ONECUT3: variants seen among roughly 807,000 people sequenced by gnomAD.
ONECUT3 encodes one cut domain family member 3.
ONECUT3 carries 11 observed loss-of-function variants against 16.8 expected under a neutral mutation model. That is an observed-to-expected ratio of 0.66 (90% CI 0.41 to 1.09). ONECUT3 has a LOEUF of 1.09. Ranked by LOEUF, ONECUT3 falls within the 50% of genes least tolerant of loss-of-function variation. ONECUT3 has a pLI of 0.00. For missense variants in ONECUT3, 637 were observed against 629.9 expected (o/e 1.01, Z -0.12); for synonymous variants, 344 against 310.7 (o/e 1.11, Z -1.13).
chr19:1,772,686 CTTTTTTTTTT>C (rs201848533), intron 1 of ONECUT3, among the ~76,000 whole-genome samples: 39 of 64,024 alleles, frequency 6.1e-4, no homozygotes, highest in Middle Eastern at 0.01. Context: ...CTGCTTTACT[CTTTTTTTTTT>C]TTTTTTTTTT....
chr19:1,767,779 C>T (rs1023220938), intron 1 of ONECUT3, among the ~76,000 whole-genome samples: 2 of 152,208 alleles, frequency 1.3e-5, no homozygotes. Context: ...AGGACGGTGC[C>T]CTGGGGCGGG....
intron 1 of ONECUT3, among the ~76,000 whole-genome samples, chr19:1,772,113 G>A (rs371123753): frequency 5.9e-5 from 9 of 151,850 alleles, no homozygotes; most frequent in East Asian, 5.8e-4. Flanking sequence ...GGGTTCAAGC[G>A]ACTCTCCTGC....
rs967416582 is a variant in ONECUT3 at position 1,766,303 on chromosome 19, C to A, written c.1193-8850C>A. Among the ~76,000 whole-genome samples the A allele has an allele frequency of 3.9e-4, 59 of 152,302 alleles. No homozygotes were observed. Among genetic ancestry groups the A allele is most frequent in the Non-Finnish European group, 7.3e-5 (5 of 68,036 alleles). On this transcript the variant is annotated intron_variant, in intron 1 of 1. Transcript: ENST00000382349. This position sits in a 1 kb window ranked among gnomAD's most constrained non-coding sequence, Gnocchi z 4.0. ...TGGACGGAGGCTGGCACCCTCAGCC[C>A]GCACGCGGCCAACGTCAGGCGCGCG...
Position 1,758,502 on chromosome 19 carries a change from T to C in ONECUT3, c.1192+3648T>C, listed in dbSNP as rs1314753806. Among the ~76,000 whole-genome samples the C allele has an allele frequency of 1.3e-5, 2 of 151,598 alleles. No individual in the cohort carries two copies. The highest frequency in any genetic ancestry group is 6.6e-5 in the Admixed American group (1 of 15,236). ...AGAAATCCCACCGCAGACCTCGGAG[T>C]CCCGGCCCCACTGCCCGTTCTGCGT... On this transcript the variant is annotated intron_variant, in intron 1 of 1. Coordinates refer to ENST00000382349, the MANE Select transcript of ONECUT3 (RefSeq NM_001080488.2). This position sits in a 1 kb window ranked among gnomAD's most constrained non-coding sequence, Gnocchi z 5.9.
chr19:1,756,205 C>G (rs547100165), intron 1 of ONECUT3, among the ~76,000 whole-genome samples: 1 of 152,168 alleles, frequency 6.6e-6, no homozygotes, highest in African/African-American at 2.4e-5. Context: ...ACCAGACAAC[C>G]CCCTGGGAGC....
intron 1 of ONECUT3, among the ~76,000 whole-genome samples, chr19:1,757,161 G>C (rs1383326501): frequency 6.6e-6 from 1 of 152,168 alleles, no homozygotes; most frequent in Non-Finnish European, 1.5e-5. Context: ...CCGCAGCCGG[G>C]TCAGCAGCAC....
chr19:1,775,390 C>T lies in ONECUT3; in HGVS notation c.1430C>T (p.Pro477Leu). Residue 477 changes from proline (P) to leucine (L), a missense_variant, in exon 2 of 2, where the codon CCC becomes CTC. Transcript: ENST00000382349. ...RRCMNRWAEE[P>L]STAPGGPAGA... ...TGCATGAACCGCTGGGCTGAGGAGC[C>T]CAGCACGGCCCCCGGGGGCCCCGCC... The T allele has an allele frequency of 6.6e-7, 1 of 1,522,244 alleles. No homozygotes were observed. The allele number at this position is 1,522,244 out of a possible 1,614,324, so 94.3% of individuals were successfully genotyped here.
Position 1,754,385 on chromosome 19 carries a change from G to A in ONECUT3, c.723G>A (p.Pro241=), listed in dbSNP as rs1458587265. The change falls in exon 1 of 2, where the codon CCG becomes CCA. Residue 241 remains proline, a synonymous_variant. Transcript: ENST00000382349. This position sits in a 1 kb window ranked among gnomAD's most constrained non-coding sequence, Gnocchi z 7.4. ...ACCTGGCTGGGGACAAGCTGCTGCCGCCCGCCGCCTTCGAGCCGCACGCCG... is the reference window on the plus strand; with the variant it reads ...ACCTGGCTGGGGACAAGCTGCTGCCACCCGCCGCCTTCGAGCCGCACGCCG... ...PGHLAGDKLL[P]PAAFEPHAAL... is the part of the protein sequence containing the mutation. 6.4e-6 allele frequency: 7 copies of A among 1,100,810 alleles called. No homozygotes were observed. Among genetic ancestry groups the A allele is most frequent in the Non-Finnish European group, 5.6e-6 (5 of 895,868 alleles). The allele number at this position is 1,100,810 out of a possible 1,614,324, so 68.2% of individuals were successfully genotyped here. A position where few individuals can be genotyped will look rare whatever the true frequency, so the allele number is the denominator to read the frequency against.
intron 1 of ONECUT3, among the ~76,000 whole-genome samples, chr19:1,757,980 C>T (rs1309501583): frequency 2.0e-5 from 3 of 152,250 alleles, no homozygotes; most frequent in African/African-American, 7.2e-5. Flanking sequence ...CCCAGGCCTC[C>T]TCCAAGGAGA....
Position 1,759,115 on chromosome 19 carries a change from CT to C in ONECUT3, c.1192+4263del, listed in dbSNP as rs542467099. On this transcript the variant is annotated intron_variant, in intron 1 of 1. Transcript: ENST00000382349. This position sits in a 1 kb window ranked among gnomAD's most constrained non-coding sequence, Gnocchi z 4.1. ...CCCCAGGTGGATGGGATGCTTTGCC[CT>C]TAAGCAGAACGAAGTGTCCTAGGGA... Among the ~76,000 whole-genome samples, 198 of 152,184 alleles carry C rather than the reference CT, an allele frequency of 1.3e-3. 2 individuals carry two copies. The highest frequency in any genetic ancestry group is 4.6e-3 in the African/African-American group (190 of 41,532).
Position 1,753,584 on chromosome 19 carries a change from A to G in ONECUT3, c.-79A>G. ...GCAGCCTCGCGCGCAGCCACCGGGG[A>G]GCGGGCGGGAGTCATGCAGCGGCCT... is the stretch of plus-strand genomic sequence containing the variant. On this transcript the variant is annotated 5_prime_UTR_variant, in exon 1 of 2. Coordinates refer to ENST00000382349, the MANE Select transcript of ONECUT3 (RefSeq NM_001080488.2). 2.3e-6 allele frequency: 1 copy of G among 440,144 alleles called. No homozygotes were observed. Among genetic ancestry groups the G allele is most frequent in the Non-Finnish European group, 3.1e-6 (1 of 326,440 alleles). 27.3% of individuals were successfully genotyped at this position (440,144 alleles called of 1,614,324 possible). A position where few individuals can be genotyped will look rare whatever the true frequency, so the allele number is the denominator to read the frequency against.
Position 1,775,171 on chromosome 19 carries a change from A to T in ONECUT3, c.1211A>T (p.Gln404Leu). 1 of 1,404,050 alleles carries T rather than the reference A, an allele frequency of 7.1e-7. No homozygotes were observed. Among genetic ancestry groups the T allele is most frequent in the Non-Finnish European group, 9.5e-7 (1 of 1,050,780 alleles). 87.0% of individuals were successfully genotyped at this position (1,404,050 alleles called of 1,614,324 possible). The change falls in exon 2 of 2, where the codon CAG becomes CTG. Residue 404 changes from glutamine (Q) to leucine (L), a missense_variant. Physicochemically the swap from Gln to Leu is moderately radical, Grantham distance 113. Transcript: ENST00000382349. Reference sequence around the variant, plus strand: ...CCCGCAGCCTGCAAGCGCAAGGAACAGGAGCAGCAGAAGGAGCGCGCCCTG... The same window carrying T: ...CCCGCAGCCTGCAAGCGCAAGGAACTGGAGCAGCAGAAGGAGCGCGCCCTG... ...LRLAACKRKE[Q>L]EQQKERALQP...
intron 1 of ONECUT3, among the ~76,000 whole-genome samples, chr19:1,767,209 A>G (rs776158160): frequency 6.0e-4 from 92 of 152,158 alleles, no homozygotes; most frequent in Non-Finnish European, 1.1e-3. Context: ...AGTGTCGCCC[A>G]GAGCCCAGCT....
At chr19:1,761,835 C>T (rs1411397926) in intron 1 of ONECUT3, among the ~76,000 whole-genome samples, 1 of 152,176 alleles carries the variant, frequency 6.6e-6, no homozygotes, top group African/African-American at 2.4e-5. Context: ...GGCTGAGAAA[C>T]CGGCACCCCT....
intron 1 of ONECUT3, among the ~76,000 whole-genome samples, chr19:1,768,216 A>T (rs1165243637): frequency 6.6e-6 from 1 of 151,482 alleles, no homozygotes; most frequent in African/African-American, 2.4e-5. Flanking sequence ...GTGGGATTAG[A>T]CAAGGGGTGT....
rs2067987338 is a variant in ONECUT3, at chr19:1,766,201, C to T, written c.1193-8952C>T. ...GGCGCCACCCACCCACCCACAGCAC[C>T]TCGCTCAGACTTCGCCCTCCACCCC... On this transcript the variant is annotated intron_variant, in intron 1 of 1. Coordinates refer to ENST00000382349, the MANE Select transcript of ONECUT3 (RefSeq NM_001080488.2). The surrounding 1 kb of genome is among the most constrained non-coding windows in gnomAD (Gnocchi z 4.0). Among the ~76,000 whole-genome samples the T allele has an allele frequency of 6.6e-6, 1 of 152,376 alleles. No homozygotes were observed. The highest frequency in any genetic ancestry group is 2.1e-4 in the South Asian group (1 of 4,834).
At chr19:1,765,201 C>T (rs2067975128) in intron 1 of ONECUT3, among the ~76,000 whole-genome samples, 1 of 152,138 alleles carries the variant, frequency 6.6e-6, no homozygotes, top group South Asian at 2.1e-4. Flanking sequence ...TTGATCTCCT[C>T]CCTGGACCTT....
Position 1,778,018 on chromosome 19 carries a change from A to AAAAAC in ONECUT3, c.*2573_*2574insAAAAC, listed in dbSNP as rs1568605766. The AAAAAC allele has an allele frequency of 6.8e-6, 1 of 146,396 alleles. No individual in the cohort carries two copies. Among genetic ancestry groups the AAAAAC allele is most frequent in the African/African-American group, 2.5e-5 (1 of 40,296 alleles). 9.1% of individuals were successfully genotyped at this position (146,396 alleles called of 1,614,324 possible). On this transcript the variant is annotated 3_prime_UTR_variant, in exon 2 of 2. Coordinates refer to ENST00000382349, the MANE Select transcript of ONECUT3 (RefSeq NM_001080488.2). ...CTCAAAAAAAAAAAAAAAAAAAAAA[A>AAAAAC]CTTTAGGTCCAAGAAGATGCACCCC...
chr19:1,757,600 G>A (rs890953312), intron 1 of ONECUT3, among the ~76,000 whole-genome samples: 4 of 152,080 alleles, frequency 2.6e-5, no homozygotes, highest in Admixed American at 1.3e-4. Flanking sequence ...CGGGGTTCAC[G>A]CCGTCAACCT....
Sources: allele counts gnomAD v4.1 joint callset (sites outside exome capture counted in the v4.1 genomes callset), GRCh38; gene constraint gnomAD v4.1.1; non-coding constraint Gnocchi (gnomAD v3.1); transcripts MANE v1.5; gene names NCBI Gene and HGNC (gene_info 2026-07-23, HGNC 2026-07-21).